The following FAM169A variants were observed in gnomAD, a reference collection of about 807,000 sequenced individuals.
FAM169A encodes family with sequence similarity 169 member A, also known as soluble lamin-associated protein of 75 kDa.
A neutral mutation model predicts 75.7 loss-of-function variants in FAM169A; 24 were observed. The observed-to-expected ratio is 0.32, with a 90% CI of 0.23 to 0.45. The LOEUF (loss-of-function observed/expected upper bound fraction) is 0.45. Among genes scored for constraint, FAM169A ranks in the 20% least tolerant of loss-of-function variants. The probability of loss-of-function intolerance (pLI) is 1.00; values close to 1 mark genes in which losing one functional copy is unlikely to be tolerated. For missense variants in FAM169A, 673 were observed against 784.0 expected (o/e 0.86, Z 1.69); for synonymous variants, 271 against 271.0 (o/e 1.00, Z 0.00).
At chr5:74,793,788 G>C (rs1344510827) in intron 11 of FAM169A, among the ~76,000 whole-genome samples, 1 of 151,880 alleles carries the variant, frequency 6.6e-6, no homozygotes, top group Non-Finnish European at 1.5e-5. Context: ...CGGATCACAC[G>C]GTCAGGAGAT....
rs145177250 is a variant in FAM169A at position 74,806,473 on chromosome 5, G to A, written c.671-1189C>T. Among the ~76,000 whole-genome samples, 191 of 138,428 alleles carry A rather than the reference G, an allele frequency of 1.4e-3. 1 individual carries two copies. Among genetic ancestry groups the A allele is most frequent in the African/African-American group, 6.0e-3 (188 of 31,292 alleles). The allele number at this position is 138,428 out of a possible 152,430, so 90.8% of individuals were successfully genotyped here. A position where few individuals can be genotyped will look rare whatever the true frequency, so the allele number is the denominator to read the frequency against. On this transcript the variant is annotated intron_variant, in intron 6 of 12. Coordinates refer to ENST00000687041, the MANE Select transcript of FAM169A (RefSeq NM_001376049.1). ...ATAGGAGAATACCTCTAGGACATTA[G>A]GGTTCAGATGGATTCCTTACAAAGA...
chr5:74,834,624 C>T (rs1165567213), intron 4 of FAM169A, 27 bp from the exon 5 acceptor site: 2 of 1,494,084 alleles, frequency 1.3e-6, no homozygotes, highest in African/African-American at 1.4e-5. Flanking sequence ...ACACCAGGCA[C>T]AGCAGTTATA....
At chr5:74,809,595 C>CA (rs372559038) in intron 6 of FAM169A, among the ~76,000 whole-genome samples, 18 of 144,606 alleles carry the variant, frequency 1.2e-4, no homozygotes, top group East Asian at 4.0e-4. Flanking sequence ...GACTACGTCT[C>CA]AAAAAAAAAA....
At chr5:74,851,619 T>C (rs1314748115) in intron 1 of FAM169A, among the ~76,000 whole-genome samples, 7 of 152,208 alleles carry the variant, frequency 4.6e-5, no homozygotes, top group Non-Finnish European at 1.0e-4. Flanking sequence ...GGGCTTGTAA[T>C]TGAAGCTTCC....
intron 5 of FAM169A, among the ~76,000 whole-genome samples, chr5:74,818,532 G>A (rs978016924): frequency 7.0e-4 from 107 of 152,052 alleles, no homozygotes; most frequent in Non-Finnish European, 1.5e-3. Flanking sequence ...AATTATAACC[G>A]GATGAATCTC....
intron 9 of FAM169A, 128 bp from the exon 10 acceptor site, chr5:74,801,158 C>T (rs1458875098): frequency 5.0e-6 from 3 of 602,100 alleles, no homozygotes; most frequent in Middle Eastern, 3.6e-4. Flanking sequence ...GGTTCACCCT[C>T]CCCTCACTTA....
At chr5:74,783,748 T>TTTCA (rs1745530458) in intron 11 of FAM169A, among the ~76,000 whole-genome samples, 1 of 152,176 alleles carries the variant, frequency 6.6e-6, no homozygotes, top group Admixed American at 6.5e-5. Context: ...TAACATGAAC[T>TTTCA]CTCCAATTTC....
chr5:74,830,665 A>G (rs1748266268), intron 5 of FAM169A, among the ~76,000 whole-genome samples: 2 of 152,172 alleles, frequency 1.3e-5, no homozygotes, highest in Admixed American at 1.3e-4. Context: ...CACCATGACT[A>G]TACATCACAT....
chr5:74,829,119 T>C (rs1488060014), intron 5 of FAM169A, among the ~76,000 whole-genome samples: 1 of 152,212 alleles, frequency 6.6e-6, no homozygotes, highest in African/African-American at 2.4e-5. Context: ...AAACTCAGTA[T>C]AGAACAATTT....
At chr5:74,808,244 G>A (rs1446256015) in intron 6 of FAM169A, among the ~76,000 whole-genome samples, 1 of 152,058 alleles carries the variant, frequency 6.6e-6, no homozygotes, top group Admixed American at 6.6e-5. Context: ...TAGATGAATG[G>A]CAAAACAAAA....
intron 11 of FAM169A, among the ~76,000 whole-genome samples, chr5:74,795,431 A>T (rs1490778447): frequency 6.6e-6 from 1 of 152,218 alleles, no homozygotes; most frequent in East Asian, 1.9e-4. Flanking sequence ...ATGGAAATGG[A>T]TAGAGGAAAG....
chr5:74,848,061 C>T (rs1171343379), intron 1 of FAM169A, among the ~76,000 whole-genome samples: 1 of 152,072 alleles, frequency 6.6e-6, no homozygotes, highest in Non-Finnish European at 1.5e-5. Flanking sequence ...ATTCCAAAGG[C>T]CCAGACACAC....
chr5:74,801,075 A>T, intron 9 of FAM169A, 45 bp from the exon 10 acceptor site: 1 of 1,417,282 alleles, frequency 7.1e-7, no homozygotes, highest in Non-Finnish European at 9.4e-7. Flanking sequence ...ATTATATATT[A>T]AAAGGACTAC....
At chr5:74,862,215 G>GA (rs1166157130) in intron 1 of FAM169A, among the ~76,000 whole-genome samples, 3 of 152,198 alleles carry the variant, frequency 2.0e-5, no homozygotes, top group African/African-American at 2.4e-5. Context: ...AAGAGAGAGA[G>GA]AACCCCATTC....
In FAM169A at chr5:74,805,241, G is replaced by C. The variant is rs1251488713; in HGVS notation, c.714C>G (p.Leu238=). Residue 238 remains leucine (L), a synonymous_variant, in exon 7 of 13, where the codon CTC becomes CTG. Coordinates refer to ENST00000687041, the MANE Select transcript of FAM169A (RefSeq NM_001376049.1). ...GTCCAACACCTTCAACTTCCCAAAG[G>C]AGTTCATGGTCTCCTGGATACTTCT... ...YFEKYPGDHE[L]LWEVEGVGHW... The C allele has an allele frequency of 9.3e-6, 15 of 1,613,538 alleles. No individual in the cohort carries two copies. Among genetic ancestry groups the C allele is most frequent in the Non-Finnish European group, 1.3e-5 (15 of 1,179,554 alleles).
At position 74,838,515 on chromosome 5, in the gene FAM169A, A is replaced by G. The variant is rs148779332; in HGVS notation, c.318+450T>C. ...GTTCTTCAGCTGGCTGCCTTCTACT[A>G]TAACCCTGCCGAGGTTGGAAGCTTG... On this transcript the variant is annotated intron_variant, in intron 4 of 12. Transcript: ENST00000687041. Among the ~76,000 whole-genome samples the G allele has an allele frequency of 1.5e-3, 230 of 152,314 alleles. 1 individual carries two copies. Among genetic ancestry groups the G allele is most frequent in the African/African-American group, 5.1e-3 (213 of 41,584 alleles).
chr5:74,847,078 A>G (rs547394871), intron 1 of FAM169A, among the ~76,000 whole-genome samples: 3 of 152,346 alleles, frequency 2.0e-5, no homozygotes, highest in South Asian at 4.1e-4. Context: ...TTCACTTAAA[A>G]TAACAAAAAA....
intron 5 of FAM169A, among the ~76,000 whole-genome samples, chr5:74,829,240 C>T (rs892452460): frequency 6.6e-6 from 1 of 152,066 alleles, no homozygotes; most frequent in African/African-American, 2.4e-5. Context: ...AGTACTCAAA[C>T]GGAACGACTA....
rs1490020389 is a variant in FAM169A at position 74,780,156 on chromosome 5, T to C, written c.*1304A>G. On this transcript the variant is annotated 3_prime_UTR_variant, in exon 13 of 13. Coordinates refer to ENST00000687041, the MANE Select transcript of FAM169A (RefSeq NM_001376049.1). Reference sequence around the variant, plus strand: ...TTCAAATTTTCCTAGGCCTTTGTTATGGCAACACAATATATACTTAACAGG... The same window carrying C: ...TTCAAATTTTCCTAGGCCTTTGTTACGGCAACACAATATATACTTAACAGG... 2 of 152,334 alleles carry C rather than the reference T, an allele frequency of 1.3e-5. No individual in the cohort carries two copies. Among genetic ancestry groups the C allele is most frequent in the Non-Finnish European group, 2.9e-5 (2 of 68,034 alleles). The allele number at this position is 152,334 out of a possible 1,614,324, so 9.4% of individuals were successfully genotyped here.
Sources: gnomAD v4.1 joint callset for allele counts (sites outside exome capture counted in the v4.1 genomes callset) on GRCh38, gnomAD v4.1.1 for gene constraint, MANE v1.5 for transcripts, NCBI Gene and HGNC (gene_info 2026-07-23, HGNC 2026-07-21) for gene names.